The following TNFSF4 variants were observed in gnomAD, a reference collection of about 807,000 sequenced individuals.
The protein encoded by TNFSF4 is TNF superfamily member 4.
TNFSF4 carries 4 observed loss-of-function variants against 7.3 expected under a neutral mutation model. The observed-to-expected ratio is 0.55, with a 90% CI of 0.27 to 1.25. TNFSF4 has a LOEUF of 1.25. TNFSF4 is among the 50% of genes most tolerant of loss of function. TNFSF4 has a pLI of 0.12. For missense variants in TNFSF4, 181 were observed against 208.8 expected (o/e 0.87, Z 0.82); for synonymous variants, 76 against 83.7 (o/e 0.91, Z 0.50).
At chr1:173,237,127 T>G in the TNFSF4 span, among the ~76,000 whole-genome samples, 1 of 152,214 alleles carries the variant, frequency 6.6e-6, no homozygotes, top group African/African-American at 2.4e-5. Context: ...ATATGTGCCT[T>G]TCTTTCTCCT....
chr1:173,354,623 C>G, the TNFSF4 span, among the ~76,000 whole-genome samples: 1 of 152,224 alleles, frequency 6.6e-6, no homozygotes, highest in South Asian at 2.1e-4. Context: ...ATTTTGAATA[C>G]ATCATTGTTA....
At chr1:173,442,500 G>T in the TNFSF4 span, among the ~76,000 whole-genome samples, 1 of 151,020 alleles carries the variant, frequency 6.6e-6, no homozygotes, top group Non-Finnish European at 1.5e-5. Flanking sequence ...AATCCACTCG[G>T]GTTTTTTTGT....
the TNFSF4 span, among the ~76,000 whole-genome samples, chr1:173,348,037 TG>T: frequency 6.6e-6 from 1 of 152,192 alleles, no homozygotes; most frequent in Non-Finnish European, 1.5e-5. Flanking sequence ...TTCCAATTCA[TG>T]GAATGCAGGT....
the TNFSF4 span, among the ~76,000 whole-genome samples, chr1:173,280,243 C>T: frequency 6.6e-6 from 1 of 152,130 alleles, no homozygotes; most frequent in East Asian, 1.9e-4. Context: ...TTCCCTCCAG[C>T]CCCTCAAGAG....
the TNFSF4 span, among the ~76,000 whole-genome samples, chr1:173,368,404 T>C: frequency 2.0e-5 from 3 of 152,296 alleles, no homozygotes; most frequent in East Asian, 5.8e-4. Flanking sequence ...TGTGGGCTCC[T>C]CCGGAATATT....
At chr1:173,218,403 C>T in the TNFSF4 span, among the ~76,000 whole-genome samples, 3 of 152,156 alleles carry the variant, frequency 2.0e-5, no homozygotes, top group Non-Finnish European at 4.4e-5. Flanking sequence ...GAGCTCAGTA[C>T]ACCATTTCAA....
the TNFSF4 span, among the ~76,000 whole-genome samples, chr1:173,444,575 G>A: frequency 1.2e-4 from 18 of 151,782 alleles, no homozygotes; most frequent in South Asian, 2.1e-4. Context: ...CCCTTTAAAG[G>A]AAAACATATA....
At chr1:173,262,747 C>T in the TNFSF4 span, among the ~76,000 whole-genome samples, 6 of 151,976 alleles carry the variant, frequency 3.9e-5, no homozygotes, top group South Asian at 6.2e-4. Flanking sequence ...GGACTACAGG[C>T]GCCTGCCACC....
At chr1:173,356,602 C>T in the TNFSF4 span, among the ~76,000 whole-genome samples, 1 of 152,156 alleles carries the variant, frequency 6.6e-6, no homozygotes, top group Non-Finnish European at 1.5e-5. Flanking sequence ...ATACTCCTTC[C>T]AGTAGAAGTG....
At chr1:173,232,096 A>G in the TNFSF4 span, among the ~76,000 whole-genome samples, 3 of 152,174 alleles carry the variant, frequency 2.0e-5, no homozygotes, top group Non-Finnish European at 4.4e-5. Flanking sequence ...CTTCCTATCC[A>G]TGAGGATGGA....
chr1:173,390,437 T>G, the TNFSF4 span, among the ~76,000 whole-genome samples: 2 of 152,188 alleles, frequency 1.3e-5, no homozygotes, highest in African/African-American at 2.4e-5. Context: ...TTTCCTTTCT[T>G]TTGTATAAAT....
chr1:173,397,031 A>G, the TNFSF4 span, among the ~76,000 whole-genome samples: 1 of 152,342 alleles, frequency 6.6e-6, no homozygotes, highest in East Asian at 1.9e-4. Flanking sequence ...CAAGGTGGGC[A>G]TGGTTACCAT....
At chr1:173,369,897 G>A in the TNFSF4 span, among the ~76,000 whole-genome samples, 3 of 151,964 alleles carry the variant, frequency 2.0e-5, no homozygotes, top group East Asian at 3.9e-4. Flanking sequence ...CATCCCACAG[G>A]AGGACCTCTC....
chr1:173,357,143 G>A, the TNFSF4 span, among the ~76,000 whole-genome samples: 1 of 152,188 alleles, frequency 6.6e-6, no homozygotes, highest in African/African-American at 2.4e-5. Context: ...TTGACTTTGG[G>A]CATTCGATGA....
the TNFSF4 span, among the ~76,000 whole-genome samples, chr1:173,360,612 G>A: frequency 6.6e-6 from 1 of 152,148 alleles, no homozygotes; most frequent in Non-Finnish European, 1.5e-5. Context: ...GTGGATAGCT[G>A]GAGATAGCAG....
In TNFSF4 at chr1:173,184,311, T is replaced by TA. The variant is rs1649132329; in HGVS notation, c.*2204dup. 1 of 152,224 alleles carries TA rather than the reference T, an allele frequency of 6.6e-6. No individual in the cohort carries two copies. Among genetic ancestry groups the TA allele is most frequent in the African/African-American group, 2.4e-5 (1 of 41,440 alleles). 9.4% of individuals were successfully genotyped at this position (152,224 alleles called of 1,614,324 possible). A position where few individuals can be genotyped will look rare whatever the true frequency, so the allele number is the denominator to read the frequency against. ...AACTCTGCCATGTATATCGAAGGGT[T>TA]AATTCTCCCTGTGAAGGACATGACT... is the stretch of plus-strand genomic sequence containing the variant. On this transcript the variant is annotated 3_prime_UTR_variant, in exon 3 of 3. Transcript: ENST00000281834.
At chr1:173,419,359 A>T in the TNFSF4 span, among the ~76,000 whole-genome samples, 3 of 150,406 alleles carry the variant, frequency 2.0e-5, no homozygotes, top group African/African-American at 7.3e-5. Flanking sequence ...AAAAAAAAAA[A>T]GAAGAGTTAG....
the TNFSF4 span, among the ~76,000 whole-genome samples, chr1:173,421,675 G>GGA: frequency 1.5e-3 from 223 of 144,226 alleles, 1 homozygote; most frequent in African/African-American, 5.5e-3. Context: ...ATCGTTTCTG[G>GGA]AAAAAAAAAA....
At chr1:173,262,889 C>A in the TNFSF4 span, among the ~76,000 whole-genome samples, 1 of 152,160 alleles carries the variant, frequency 6.6e-6, no homozygotes, top group African/African-American at 2.4e-5. Flanking sequence ...CGTGAGCCAC[C>A]ACGCCCAGCC....
Sources: gnomAD v4.1 joint callset for allele counts (sites outside exome capture counted in the v4.1 genomes callset) on GRCh38, gnomAD v4.1.1 for gene constraint, MANE v1.5 for transcripts, NCBI Gene and HGNC (gene_info 2026-07-23, HGNC 2026-07-21) for gene names.